FGFR2: variants seen among roughly 807,000 people sequenced by gnomAD.
FGFR2 encodes the protein BEK fibroblast growth factor receptor.
In FGFR2, 19 loss-of-function variants were observed where a neutral mutation model predicts 95.9. The observed-to-expected ratio is 0.20, with a 90% confidence interval of 0.14 to 0.29. The LOEUF is 0.29. Ranked by LOEUF, FGFR2 falls within the 10% of genes least tolerant of loss-of-function variation. FGFR2 has a pLI of 1.00. For missense variants in FGFR2, 707 were observed against 1,056.9 expected (o/e 0.67, Z 4.59); for synonymous variants, 392 against 393.3 (o/e 1.00, Z 0.04).
At chr10:121,597,093 G>A (rs1188883337) in intron 1 of FGFR2, among the ~76,000 whole-genome samples, 2 of 152,220 alleles carry the variant, frequency 1.3e-5, no homozygotes, top group Admixed American at 1.3e-4. Flanking sequence ...AGGAAGGAGG[G>A]TCTGGAGAAC....
chr10:121,496,676 T>A lies in FGFR2; in HGVS notation c.1719A>T (p.Arg573=), dbSNP rs1589753792. ...IVEYASKGNL[R]EYLRARRPPG... ...GTGGCCTCCGGGCTCGGAGGTATTC[T>A]CGGAGGTTGCCTTTAGAGGCATACT... Residue 573 remains arginine, a synonymous_variant, in exon 13 of 18, where the codon CGA becomes CGT. Coordinates refer to ENST00000358487, the MANE Select transcript of FGFR2 (RefSeq NM_000141.5). 12 of 1,612,288 alleles carry A rather than the reference T, an allele frequency of 7.4e-6. No individual in the cohort carries two copies. The East Asian group carries it at 2.7e-4, about 36-fold the overall frequency.
rs951095000 is a variant in FGFR2 at position 121,485,119 on chromosome 10, T to G, written c.2195+276A>C. ...AGTGGCCCAGGAAGACCACTCCTGC[T>G]GGCTCTGCAAAGTCAGGAGCCCTCA... On this transcript the variant is annotated intron_variant, in intron 16 of 17. Coordinates refer to ENST00000358487, the MANE Select transcript of FGFR2 (RefSeq NM_000141.5). This position sits in a 1 kb window ranked among gnomAD's most constrained non-coding sequence, Gnocchi z 4.2. 3.9e-5 allele frequency among the ~76,000 whole-genome samples: 6 copies of G among 152,244 alleles called. No individual in the cohort carries two copies. The East Asian group carries it at 9.7e-4, about 25-fold the overall frequency.
At chr10:121,500,282 T>C (rs1263738616) in intron 11 of FGFR2, among the ~76,000 whole-genome samples, 1 of 152,156 alleles carries the variant, frequency 6.6e-6, no homozygotes, top group Non-Finnish European at 1.5e-5. Flanking sequence ...TGTTTATGTG[T>C]CCCAGGAGGC....
intron 2 of FGFR2, among the ~76,000 whole-genome samples, chr10:121,586,263 G>A (rs563205073): frequency 2.4e-4 from 36 of 152,276 alleles, no homozygotes; most frequent in African/African-American, 7.5e-4. Flanking sequence ...CAAGAAAGGC[G>A]CTACATAAAT....
At chr10:121,583,257 C>T (rs1012652749) in intron 2 of FGFR2, 2 of 152,204 alleles carry the variant, frequency 1.3e-5, no homozygotes, top group South Asian at 2.1e-4. Context: ...GCAGGTAGGC[C>T]TTGACTTCAT....
At chr10:121,577,178 T>TAGAGAGAGAG (rs1169688456) in intron 2 of FGFR2, among the ~76,000 whole-genome samples, 331 of 5,170 alleles carry the variant, frequency 0.064, 26 homozygotes, top group Middle Eastern at 0.25. Flanking sequence ...TATATATATA[T>TAGAGAGAGAG]AGAGAGAGAG....
chr10:121,526,958 C>A (rs921989999), intron 6 of FGFR2: 7 of 389,034 alleles, frequency 1.8e-5, no homozygotes, highest in Admixed American at 4.5e-5. Context: ...GTGAAGTCTG[C>A]GGAACAAACT....
In FGFR2 at chr10:121,501,054, G is replaced by T. The variant is rs530488919; in HGVS notation, c.1440-107C>A. On this transcript the variant is annotated intron_variant, in intron 10 of 17. Transcript: ENST00000358487. The stretch of plus-strand genomic sequence containing the variant: ...TCTTTCAGCGGCTTACTAAAGCATG[G>T]AGTGCTTATCATATGGAACTAATGA... The T allele has an allele frequency of 1.3e-5, 19 of 1,494,770 alleles. No homozygotes were observed. The Admixed American group carries it at 1.8e-4, about 14-fold the overall frequency. The allele number at this position is 1,494,770 out of a possible 1,614,324, so 92.6% of individuals were successfully genotyped here. A position where few individuals can be genotyped will look rare whatever the true frequency, so the allele number is the denominator to read the frequency against.
chr10:121,576,341 G>A (rs1337405576), intron 2 of FGFR2, among the ~76,000 whole-genome samples: 1 of 152,212 alleles, frequency 6.6e-6, no homozygotes, highest in African/African-American at 2.4e-5. Context: ...ACAATGAGGA[G>A]TCTGTGTGCC....
intron 4 of FGFR2, among the ~76,000 whole-genome samples, chr10:121,552,167 T>TA (rs907682795): frequency 1.3e-5 from 2 of 152,168 alleles, no homozygotes; most frequent in African/African-American, 4.8e-5. Flanking sequence ...AATGATATGT[T>TA]AAAGTTATGC....
intron 6 of FGFR2, among the ~76,000 whole-genome samples, chr10:121,535,690 TAA>T (rs1852737260): frequency 6.6e-6 from 1 of 152,216 alleles, no homozygotes; most frequent in Non-Finnish European, 1.5e-5. Flanking sequence ...AGCATCACAC[TAA>T]TTTTCCCTTG....
At chr10:121,480,448 C>T (rs1844532018) in intron 17 of FGFR2, 3 of 280,062 alleles carry the variant, frequency 1.1e-5, no homozygotes, top group Non-Finnish European at 1.4e-5. Context: ...AATGCGAGCC[C>T]CAGCAAAATG....
At chr10:121,491,085 G>C (rs1846069962) in intron 13 of FGFR2, among the ~76,000 whole-genome samples, 1 of 152,234 alleles carries the variant, frequency 6.6e-6, no homozygotes, top group South Asian at 2.1e-4. Flanking sequence ...GGCAAGCTGT[G>C]TGGTCAGAAG....
At chr10:121,574,670 C>T (rs1382897439) in intron 2 of FGFR2, among the ~76,000 whole-genome samples, 3 of 152,180 alleles carry the variant, frequency 2.0e-5, no homozygotes, top group African/African-American at 4.8e-5. Flanking sequence ...GCAGCCCAGA[C>T]ATCCTCAAAG....
At chr10:121,513,108 G>A (rs1404210123) in intron 9 of FGFR2, among the ~76,000 whole-genome samples, 3 of 152,076 alleles carry the variant, frequency 2.0e-5, no homozygotes, top group African/African-American at 4.8e-5. Flanking sequence ...TCCTGACCTC[G>A]GGTGATCCAC....
intron 9 of FGFR2, among the ~76,000 whole-genome samples, chr10:121,513,179 G>A (rs1275237785): frequency 6.6e-6 from 1 of 152,184 alleles, no homozygotes; most frequent in Non-Finnish European, 1.5e-5. Context: ...CGGCCAGGCT[G>A]AATTCTCTTA....
At chr10:121,559,693 C>T (rs577828848) in intron 4 of FGFR2, among the ~76,000 whole-genome samples, 4 of 152,320 alleles carry the variant, frequency 2.6e-5, no homozygotes, top group Admixed American at 2.6e-4. Context: ...CATTCGAGAG[C>T]TAATTACAAA....
chr10:121,511,803 G>A (rs534762728), intron 9 of FGFR2, among the ~76,000 whole-genome samples: 6 of 152,250 alleles, frequency 3.9e-5, no homozygotes, highest in African/African-American at 1.4e-4. Flanking sequence ...AAAAATTCAC[G>A]CTTACTAGGA....
chr10:121,552,812 G>A (rs1855583253), intron 4 of FGFR2, among the ~76,000 whole-genome samples: 1 of 152,186 alleles, frequency 6.6e-6, no homozygotes, highest in Non-Finnish European at 1.5e-5. Flanking sequence ...CACCAACAGG[G>A]ACTTGAACAT....
Sources: allele counts gnomAD v4.1 joint callset (sites outside exome capture counted in the v4.1 genomes callset), GRCh38; gene constraint gnomAD v4.1.1; non-coding constraint Gnocchi (gnomAD v3.1); transcripts MANE v1.5; gene names NCBI Gene and HGNC (gene_info 2026-07-23, HGNC 2026-07-21).